PDCD11: variants seen among roughly 807,000 people sequenced by gnomAD.
PDCD11 encodes the protein protein RRP5 homolog.
PDCD11 carries 97 observed loss-of-function variants against 198.9 expected under a neutral mutation model. The ratio of observed to expected loss-of-function variants is 0.49; its 90% CI spans 0.41 to 0.58. The LOEUF is 0.58. Ranked by LOEUF, PDCD11 falls within the 20% of genes least tolerant of loss-of-function variation. The pLI, the probability that PDCD11 is intolerant of heterozygous loss-of-function variation, is 0.00. For missense variants in PDCD11, 2,102 were observed against 2,312.7 expected, an observed-to-expected ratio of 0.91 and a Z score of 1.87; for synonymous variants, 893 against 918.0, an observed-to-expected ratio of 0.97 and a Z score of 0.49.
intron 8 of PDCD11, among the ~76,000 whole-genome samples, chr10:103,411,540 T>C (rs538787735): frequency 7.6e-4 from 115 of 152,032 alleles, no homozygotes; most frequent in Middle Eastern, 6.8e-3. Context: ...TAATTTTTGC[T>C]ATGTTTTATA....
At chr10:103,445,038 A>G (rs1289774822) in intron 35 of PDCD11, among the ~76,000 whole-genome samples, 2 of 152,196 alleles carry the variant, frequency 1.3e-5, no homozygotes, top group Non-Finnish European at 2.9e-5. Context: ...CTGAGGTCCA[A>G]AAAGAACAGG....
intron 7 of PDCD11, among the ~76,000 whole-genome samples, chr10:103,408,996 C>T (rs184396457): frequency 1.3e-5 from 2 of 152,158 alleles, no homozygotes; most frequent in South Asian, 2.1e-4. Context: ...CCTGGCTGCC[C>T]GAGAATGAGT....
intron 25 of PDCD11, among the ~76,000 whole-genome samples, chr10:103,437,187 G>C (rs1315192803): frequency 6.6e-6 from 1 of 152,136 alleles, no homozygotes; most frequent in Admixed American, 6.5e-5. Context: ...AGTTGCCCAG[G>C]CTAGAGGGCA....
intron 8 of PDCD11, among the ~76,000 whole-genome samples, chr10:103,411,410 G>A (rs1592118617): frequency 6.6e-6 from 1 of 152,044 alleles, no homozygotes; most frequent in African/African-American, 2.4e-5. Flanking sequence ...CTATTGCCCA[G>A]AGTGGAGTAC....
chr10:103,431,558 C>T (rs544870044), intron 21 of PDCD11, among the ~76,000 whole-genome samples: 2 of 151,048 alleles, frequency 1.3e-5, no homozygotes, highest in South Asian at 2.1e-4. Context: ...TGCCACTGCA[C>T]TCCAGCCTGG....
intron 7 of PDCD11, among the ~76,000 whole-genome samples, chr10:103,407,100 A>G (rs889200088): frequency 6.6e-6 from 1 of 152,188 alleles, no homozygotes; most frequent in Admixed American, 6.5e-5. Flanking sequence ...GGTCAAATGG[A>G]ATTAAAAGGT....
chr10:103,443,242 C>T lies in PDCD11; in HGVS notation c.5033C>T (p.Thr1678Ile), dbSNP rs928675062. The T allele has an allele frequency of 2.5e-6, 4 of 1,612,894 alleles. No homozygotes were observed. The highest frequency in any genetic ancestry group is 1.1e-5 in the South Asian group (1 of 91,048). ...ATGTACGGCTCTCAGGAGTCCCTGA[C>T]CAAGGTCTTTGAGCGAGCCGTGCAG... ...ENMYGSQESLTKVFERAVQYN... is the reference protein window; with the variant it reads ...ENMYGSQESLIKVFERAVQYN... The change falls in exon 33 of 36, where the codon ACC becomes ATC. Residue 1678 changes from threonine to isoleucine, a missense_variant. Transcript: ENST00000369797.
chr10:103,416,977 TCTTTA>T (rs1042621454), intron 13 of PDCD11, among the ~76,000 whole-genome samples: 9 of 152,176 alleles, frequency 5.9e-5, no homozygotes, highest in African/African-American at 1.9e-4. Context: ...AAGAGGTCAG[TCTTTA>T]CTTGTAATAA....
Position 103,419,534 on chromosome 10 carries a change from C to T in PDCD11, c.2107-4C>T, listed in dbSNP as rs1347547060. Reference sequence around the variant, plus strand: ...TGGAACATTCCTTGATGAAGTACCACTAGCTTCTTTGCAGGAAGCCAGCCT... The same window carrying T: ...TGGAACATTCCTTGATGAAGTACCATTAGCTTCTTTGCAGGAAGCCAGCCT... On this transcript the variant is annotated splice_polypyrimidine_tract_variant and splice_region_variant and intron_variant, in intron 15 of 35. Coordinates refer to ENST00000369797, the MANE Select transcript of PDCD11 (RefSeq NM_014976.2). 1 of 1,612,504 alleles carries T rather than the reference C, an allele frequency of 6.2e-7. No individual in the cohort carries two copies. The highest frequency in any genetic ancestry group is 8.5e-7 in the Non-Finnish European group (1 of 1,179,326).
intron 26 of PDCD11, 65 bp downstream of exon 26, chr10:103,438,136 G>A (rs1371642709): frequency 1.3e-5 from 17 of 1,357,300 alleles, no homozygotes; most frequent in Admixed American, 1.7e-5. Context: ...GGGAGGCTAC[G>A]TGTATCTGAC....
At chr10:103,402,370 A>G (rs1024994383) in intron 3 of PDCD11, among the ~76,000 whole-genome samples, 1 of 152,190 alleles carries the variant, frequency 6.6e-6, no homozygotes, top group African/African-American at 2.4e-5. Context: ...TGAGAAGTTC[A>G]CTGATATGTA....
chr10:103,442,104 G>T lies in PDCD11; in HGVS notation c.4708-109G>T. 15 of 1,547,306 alleles carry T rather than the reference G, an allele frequency of 9.7e-6. No individual in the cohort carries two copies. In the South Asian group the frequency reaches 1.7e-4, roughly 17 times the overall value. ...GGGCAGCGGCCAGTCCCAGGCCAGG[G>T]GGTATATATAGAGCCCTGGGCTGCC... On this transcript the variant is annotated intron_variant, in intron 31 of 35. Coordinates refer to ENST00000369797, the MANE Select transcript of PDCD11 (RefSeq NM_014976.2).
intron 1 of PDCD11, among the ~76,000 whole-genome samples, chr10:103,397,425 A>T (rs2093442512): frequency 6.6e-6 from 1 of 152,122 alleles, no homozygotes; most frequent in Non-Finnish European, 1.5e-5. Context: ...TCTTCCACAA[A>T]AAAGCCCAAC....
chr10:103,397,352 C>G (rs1349782803), intron 1 of PDCD11, among the ~76,000 whole-genome samples: 2 of 151,534 alleles, frequency 1.3e-5, no homozygotes, highest in African/African-American at 4.8e-5. Context: ...GCTTACTGTT[C>G]TCTCGCTTTC....
In PDCD11 at chr10:103,434,251, C is replaced by G; in HGVS notation, c.3568C>G (p.Leu1190Val). Residue 1190 changes from leucine (L) to valine (V), a missense_variant, in exon 24 of 36, where the codon CTG (leucine) becomes GTG (valine). Physicochemically the swap from Leu to Val is conservative, Grantham distance 32. Transcript: ENST00000369797. ...LLLTSLSFKV[L>V]KHPDKKFRVG... ...AGGAGTTTTTTTATCCTTCCAGGTT[C>G]TGAAGCATCCAGATAAGAAGTTCCG... 6.2e-7 allele frequency: 1 copy of G among 1,609,546 alleles called. No homozygotes were observed. The highest frequency in any genetic ancestry group is 8.5e-7 in the Non-Finnish European group (1 of 1,175,758).
intron 15 of PDCD11, 126 bp from the exon 16 acceptor site, chr10:103,419,412 C>A: frequency 9.4e-7 from 1 of 1,059,116 alleles, no homozygotes; most frequent in Non-Finnish European, 1.4e-6. Flanking sequence ...GGTCTGCACA[C>A]TTAGAGAATC....
rs552003903 is a variant in PDCD11, at chr10:103,440,458, C to T, written c.4317C>T (p.Asn1439=). 2.4e-5 allele frequency: 38 copies of T among 1,613,924 alleles called. No homozygotes were observed. The East Asian group carries it at 2.7e-4, about 11-fold the overall frequency. ...GGGAAAAGAAAAATCAGAAAAGGAACGAGAAGAAGAACCAGAAGGGGCAGG... is the reference window on the plus strand; with the variant it reads ...GGGAAAAGAAAAATCAGAAAAGGAATGAGAAGAAGAACCAGAAGGGGCAGG... ...QKGEKKNQKR[N]EKKNQKGQEE... is the part of the protein sequence containing the mutation. The change falls in exon 29 of 36, where the codon AAC becomes AAT. Residue 1439 remains asparagine (N), a synonymous_variant. Coordinates refer to ENST00000369797, the MANE Select transcript of PDCD11 (RefSeq NM_014976.2).
In PDCD11 at chr10:103,440,347, G is replaced by A; in HGVS notation, c.4206G>A (p.Lys1402=). ...CTTTCCTCCCCGGAGACACTGGGAA[G>A]CCAGACGTGCTTTCTGCTTCCTTGG... ...ELSFLPGDTG[K]PDVLSASLEG... The change falls in exon 29 of 36, where the codon AAG becomes AAA. Residue 1402 remains lysine, a synonymous_variant. Transcript: ENST00000369797. 1 of 1,614,234 alleles carries A rather than the reference G, an allele frequency of 6.2e-7. No homozygotes were observed. The highest frequency in any genetic ancestry group is 8.5e-7 in the Non-Finnish European group (1 of 1,180,056).
chr10:103,435,496 A>G (rs1208916645), intron 25 of PDCD11, among the ~76,000 whole-genome samples: 1 of 151,494 alleles, frequency 6.6e-6, no homozygotes, highest in Non-Finnish European at 1.5e-5. Context: ...CAGAGTCTGG[A>G]GTGCAGTGGC....
Sources: allele counts gnomAD v4.1 joint callset (sites outside exome capture counted in the v4.1 genomes callset), GRCh38; gene constraint gnomAD v4.1.1; transcripts MANE v1.5; gene names NCBI Gene and HGNC (gene_info 2026-07-23, HGNC 2026-07-21).